NMNAT2: variants seen among roughly 807,000 people sequenced by gnomAD.
The protein encoded by NMNAT2 is nicotinamide/nicotinic acid mononucleotide adenylyltransferase 2.
In NMNAT2, 11 loss-of-function variants were observed where a neutral mutation model predicts 41.6. The observed-to-expected ratio is 0.26, with a 90% CI of 0.17 to 0.44. NMNAT2 has a LOEUF of 0.44. Among genes scored for constraint, NMNAT2 ranks in the 20% least tolerant of loss-of-function variants. NMNAT2 has a pLI of 1.00. For missense variants in NMNAT2, 288 were observed against 407.7 expected, an observed-to-expected ratio of 0.71 and a Z score of 2.53; for synonymous variants, 148 against 151.2, an observed-to-expected ratio of 0.98 and a Z score of 0.16.
At chr1:183,299,305 G>A (rs995976308) in intron 1 of NMNAT2, among the ~76,000 whole-genome samples, 2 of 152,046 alleles carry the variant, frequency 1.3e-5, no homozygotes, top group African/African-American at 4.8e-5. Context: ...GAACCTGGGA[G>A]GTGGAGGTTG....
intron 1 of NMNAT2, among the ~76,000 whole-genome samples, chr1:183,406,370 A>T (rs1393463234): frequency 6.6e-6 from 1 of 152,216 alleles, no homozygotes; most frequent in Non-Finnish European, 1.5e-5. Context: ...TGGAAGACAA[A>T]TTAAACTTGC....
Position 183,249,911 on chromosome 1 carries a change from T to C in NMNAT2, c.*2730A>G, listed in dbSNP as rs1660330697. 6.6e-6 allele frequency: 1 copy of C among 152,140 alleles called. No homozygotes were observed. Among genetic ancestry groups the C allele is most frequent in the African/African-American group, 2.4e-5 (1 of 41,422 alleles). The allele number at this position is 152,140 out of a possible 1,614,324, so 9.4% of individuals were successfully genotyped here. On this transcript the variant is annotated 3_prime_UTR_variant, in exon 11 of 11. Transcript: ENST00000287713. ...CTATGGCACCTGTTCTTTGTCTTAA[T>C]TCATCTCACTTTCCCTCCCCACTCC... is the stretch of plus-strand genomic sequence containing the variant.
At chr1:183,296,657 C>T (rs576377087) in intron 1 of NMNAT2, among the ~76,000 whole-genome samples, 3 of 152,016 alleles carry the variant, frequency 2.0e-5, no homozygotes, top group Non-Finnish European at 2.9e-5. Flanking sequence ...GGATTACAGA[C>T]GTGCACCACC....
intron 1 of NMNAT2, among the ~76,000 whole-genome samples, chr1:183,301,370 A>G (rs572279473): frequency 1.3e-5 from 2 of 152,358 alleles, no homozygotes; most frequent in African/African-American, 4.8e-5. Context: ...TCCAACTTGC[A>G]TGACAAGGGC....
In NMNAT2 at chr1:183,252,724, C is replaced by A. The variant is rs751961308; in HGVS notation, c.841G>T (p.Asp281Tyr). ...GACAGGTAATCCACAACATGGCCGT[C>A]CCCATGCTGCAGGGCCAGCCTGCAC... ...TKSRLALQHG[D>Y]GHVVDYLSQP... The change falls in exon 11 of 11, where the codon GAC becomes TAC. Residue 281 changes from aspartate (D) to tyrosine (Y), a missense_variant. Physicochemically the swap from Asp to Tyr is radical, Grantham distance 160 (BLOSUM62 -3). Transcript: ENST00000287713. 6.2e-7 allele frequency: 1 copy of A among 1,613,860 alleles called. No individual in the cohort carries two copies. Among genetic ancestry groups the A allele is most frequent in the South Asian group, 1.1e-5 (1 of 91,062 alleles).
chr1:183,411,523 G>A (rs778579314), intron 1 of NMNAT2, among the ~76,000 whole-genome samples: 1 of 151,910 alleles, frequency 6.6e-6, no homozygotes, highest in African/African-American at 2.4e-5. Flanking sequence ...AGACTGCTCT[G>A]AAACTCCTGA....
chr1:183,334,173 TCTC>T (rs1216366713), intron 1 of NMNAT2, among the ~76,000 whole-genome samples: 1 of 152,092 alleles, frequency 6.6e-6, no homozygotes, highest in Non-Finnish European at 1.5e-5. Context: ...CTCAAGCAAT[TCTC>T]CTGCCTCACT....
At chr1:183,321,864 G>C (rs1354851004) in intron 1 of NMNAT2, among the ~76,000 whole-genome samples, 1 of 152,184 alleles carries the variant, frequency 6.6e-6, no homozygotes, top group Non-Finnish European at 1.5e-5. Context: ...TGTCACCCAG[G>C]CTGGAGTGCA....
chr1:183,381,532 C>A (rs186076654), intron 1 of NMNAT2, among the ~76,000 whole-genome samples: 2 of 152,084 alleles, frequency 1.3e-5, no homozygotes, highest in East Asian at 3.9e-4. Flanking sequence ...CCTATCTCTA[C>A]TGAAGATACA....
chr1:183,345,206 A>C (rs1662902195), intron 1 of NMNAT2, among the ~76,000 whole-genome samples: 1 of 151,674 alleles, frequency 6.6e-6, no homozygotes, highest in Non-Finnish European at 1.5e-5. Flanking sequence ...CCTTGAAGTC[A>C]TCTTTGACTC....
At chr1:183,306,086 G>C (rs1661987310) in intron 1 of NMNAT2, among the ~76,000 whole-genome samples, 1 of 152,098 alleles carries the variant, frequency 6.6e-6, no homozygotes. Flanking sequence ...ATATCTTCAT[G>C]GAACAGAGTT....
intron 1 of NMNAT2, among the ~76,000 whole-genome samples, chr1:183,399,346 C>T (rs1449752848): frequency 7.2e-5 from 11 of 152,116 alleles, no homozygotes; most frequent in Non-Finnish European, 1.5e-4. Context: ...TATACACCCT[C>T]CCAAGACTAA....
intron 1 of NMNAT2, among the ~76,000 whole-genome samples, chr1:183,399,176 A>C (rs1410626029): frequency 6.6e-6 from 1 of 152,194 alleles, no homozygotes; most frequent in Non-Finnish European, 1.5e-5. Context: ...AAGACTAATA[A>C]AGAAGAAAAG....
chr1:183,380,895 T>C (rs1010668175), intron 1 of NMNAT2, among the ~76,000 whole-genome samples: 9 of 152,096 alleles, frequency 5.9e-5, no homozygotes, highest in Admixed American at 1.3e-4. Context: ...GTGCAGGTAA[T>C]TGGGAGCCAG....
intron 8 of NMNAT2, among the ~76,000 whole-genome samples, chr1:183,272,707 T>C (rs954526913): frequency 2.0e-5 from 3 of 152,246 alleles, no homozygotes; most frequent in African/African-American, 7.2e-5. Context: ...GGAGGCCTTG[T>C]CAGTCCTGCT....
In NMNAT2 at chr1:183,305,332, G is replaced by A. The variant is rs554400080; in HGVS notation, c.86-11539C>T. Among the ~76,000 whole-genome samples the A allele has an allele frequency of 9.2e-5, 14 of 152,174 alleles. No individual in the cohort carries two copies. In the East Asian group the frequency reaches 2.7e-3, roughly 29 times the overall value. ...GGGGCAGGGGATAGAGTGGAAGGTG[G>A]GGAGGAAGCAATGAAGACAGGAGGA... is the stretch of plus-strand genomic sequence containing the variant. On this transcript the variant is annotated intron_variant, in intron 1 of 10. Transcript: ENST00000287713.
chr1:183,274,434 C>T (rs1661072582), intron 8 of NMNAT2, among the ~76,000 whole-genome samples: 1 of 151,958 alleles, frequency 6.6e-6, no homozygotes, highest in African/African-American at 2.4e-5. Context: ...GTCTTAGCCT[C>T]CCAAGTAGCT....
chr1:183,323,078 T>C (rs1379058437), intron 1 of NMNAT2, among the ~76,000 whole-genome samples: 1 of 152,170 alleles, frequency 6.6e-6, no homozygotes, highest in Non-Finnish European at 1.5e-5. Flanking sequence ...ACTACAGGCA[T>C]GAGCCACCAT....
intron 1 of NMNAT2, among the ~76,000 whole-genome samples, chr1:183,365,962 C>G (rs1663402854): frequency 6.6e-6 from 1 of 152,180 alleles, no homozygotes; most frequent in Non-Finnish European, 1.5e-5. Flanking sequence ...TTGAATCAGC[C>G]AACTTCCTTT....
Sources: gnomAD v4.1 joint callset for allele counts (sites outside exome capture counted in the v4.1 genomes callset) on GRCh38, gnomAD v4.1.1 for gene constraint, MANE v1.5 for transcripts, NCBI Gene and HGNC (gene_info 2026-07-23, HGNC 2026-07-21) for gene names.